The following KCNAB1 variants were observed in gnomAD, a reference collection of about 807,000 sequenced individuals.
KCNAB1 encodes the protein voltage-gated potassium channel subunit beta-1.
A neutral mutation model predicts 64.6 loss-of-function variants in KCNAB1; 35 were observed. The ratio of observed to expected loss-of-function variants is 0.54; its 90% CI spans 0.41 to 0.72. The LOEUF (loss-of-function observed/expected upper bound fraction) is 0.72, where lower values mean the gene tolerates loss of function less well. KCNAB1 is among the 30% of genes least tolerant of loss of function. KCNAB1 has a pLI of 0.00. For missense variants in KCNAB1, 401 were observed against 512.9 expected, an observed-to-expected ratio of 0.78 and a Z score of 2.11; for synonymous variants, 177 against 183.8, an observed-to-expected ratio of 0.96 and a Z score of 0.30.
At chr3:156,354,231 C>T (rs972494612) in intron 1 of KCNAB1, among the ~76,000 whole-genome samples, 3 of 148,570 alleles carry the variant, frequency 2.0e-5, no homozygotes, top group Non-Finnish European at 3.0e-5. Flanking sequence ...GGTGTGATCT[C>T]GGCTCACCGC....
chr3:156,334,260 G>A (rs1249907735), intron 1 of KCNAB1, among the ~76,000 whole-genome samples: 1 of 152,188 alleles, frequency 6.6e-6, no homozygotes, highest in Non-Finnish European at 1.5e-5. Flanking sequence ...TAGAAATACA[G>A]AGTTAAGTGG....
At chr3:156,305,224 CAAG>C (rs1721416561) in intron 1 of KCNAB1, among the ~76,000 whole-genome samples, 1 of 151,938 alleles carries the variant, frequency 6.6e-6, no homozygotes, top group South Asian at 2.1e-4. Context: ...GACAAATAGA[CAAG>C]AAAAAAATTA....
intron 1 of KCNAB1, 97 bp downstream of exon 1, chr3:156,120,983 A>C: frequency 7.0e-7 from 1 of 1,429,224 alleles, no homozygotes; most frequent in Non-Finnish European, 9.5e-7. Context: ...TGGAAGTCTT[A>C]ACGGCTCTAA....
chr3:156,503,279 C>T (rs1716571334), intron 8 of KCNAB1, among the ~76,000 whole-genome samples: 1 of 152,062 alleles, frequency 6.6e-6, no homozygotes, highest in Non-Finnish European at 1.5e-5. Flanking sequence ...AGTGGTAAGT[C>T]TAGGTGAGAA....
chr3:156,137,405 A>AC (rs1431781189), intron 1 of KCNAB1, among the ~76,000 whole-genome samples: 12 of 151,830 alleles, frequency 7.9e-5, no homozygotes, highest in African/African-American at 2.9e-4. Context: ...TGTAACATGC[A>AC]CCCCCTCCCC....
In KCNAB1 at chr3:156,311,500, G is replaced by A. The variant is rs557505545; in HGVS notation, c.276-110116G>A. ...GTGGGTGAATGAAGTGGGGAGAACAGGTGAGCTGTGTGAGGTGGAGGGAGG... is the reference window on the plus strand; with the variant it reads ...GTGGGTGAATGAAGTGGGGAGAACAAGTGAGCTGTGTGAGGTGGAGGGAGG... On this transcript the variant is annotated intron_variant, in intron 1 of 13. Transcript: ENST00000490337. 7.9e-5 allele frequency among the ~76,000 whole-genome samples: 12 copies of A among 152,302 alleles called. No homozygotes were observed. In the South Asian group the frequency reaches 1.7e-3, roughly 21 times the overall value.
chr3:156,299,387 G>A (rs1033088921), intron 1 of KCNAB1, among the ~76,000 whole-genome samples: 6 of 152,190 alleles, frequency 3.9e-5, no homozygotes, highest in Non-Finnish European at 8.8e-5. Flanking sequence ...TGCCACAGAG[G>A]CTCTTCACTG....
intron 1 of KCNAB1, among the ~76,000 whole-genome samples, chr3:156,381,184 T>G (rs1475819427): frequency 6.6e-6 from 1 of 150,514 alleles, no homozygotes; most frequent in Admixed American, 6.6e-5. Context: ...GATGAAGGAG[T>G]ATGGAGTATT....
chr3:156,251,497 T>C (rs1029357660), intron 1 of KCNAB1, among the ~76,000 whole-genome samples: 7 of 152,130 alleles, frequency 4.6e-5, no homozygotes, highest in African/African-American at 1.7e-4. Context: ...GTATATATTA[T>C]ATGGCCAGCA....
Position 156,429,192 on chromosome 3 carries a change from G to T in KCNAB1, c.319+7533G>T, listed in dbSNP as rs534825068. Reference sequence around the variant, plus strand: ...CGGTTCTGAAGGAAGTATCAGGGTTGGAATACATTGTCTTATCTGGATGGA... The same window carrying T: ...CGGTTCTGAAGGAAGTATCAGGGTTTGAATACATTGTCTTATCTGGATGGA... On this transcript the variant is annotated intron_variant, in intron 2 of 13. Coordinates refer to ENST00000490337, the MANE Select transcript of KCNAB1 (RefSeq NM_172160.3). Among the ~76,000 whole-genome samples, 20 of 152,304 alleles carry T rather than the reference G, an allele frequency of 1.3e-4. No individual in the cohort carries two copies. In the South Asian group the frequency reaches 3.9e-3, roughly 30 times the overall value.
chr3:156,324,681 C>T (rs1681950135), intron 1 of KCNAB1, among the ~76,000 whole-genome samples: 2 of 152,104 alleles, frequency 1.3e-5, no homozygotes, highest in African/African-American at 4.8e-5. Context: ...GGGACTTTTC[C>T]TCAGACCCTC....
At chr3:156,137,612 G>A (rs1284289951) in intron 1 of KCNAB1, among the ~76,000 whole-genome samples, 2 of 150,372 alleles carry the variant, frequency 1.3e-5, no homozygotes, top group Non-Finnish European at 1.5e-5. Context: ...GCACTTGCGC[G>A]ATCTCACCAC....
chr3:156,505,161 A>G (rs528494030), intron 8 of KCNAB1, among the ~76,000 whole-genome samples: 1 of 152,314 alleles, frequency 6.6e-6, no homozygotes, highest in Non-Finnish European at 1.5e-5. Flanking sequence ...TTTATTGAAG[A>G]GAATTCCCTT....
intron 2 of KCNAB1, among the ~76,000 whole-genome samples, chr3:156,439,158 G>T (rs908442489): frequency 2.6e-5 from 4 of 151,336 alleles, no homozygotes; most frequent in Admixed American, 2.6e-4. Flanking sequence ...GTCTATAAAG[G>T]GTATAGCACT....
chr3:156,477,776 A>G (rs886954797), intron 8 of KCNAB1, among the ~76,000 whole-genome samples: 1 of 152,136 alleles, frequency 6.6e-6, no homozygotes, highest in African/African-American at 2.4e-5. Context: ...GATCTGGGAA[A>G]TAAAGAAGAA....
In KCNAB1 at chr3:156,532,938, CTGAGA is replaced by C. The variant is rs1231736484; in HGVS notation, c.1170+1446_1170+1450del. Among the ~76,000 whole-genome samples the C allele has an allele frequency of 2.0e-5, 3 of 152,180 alleles. No individual in the cohort carries two copies. In the East Asian group the frequency reaches 5.8e-4, roughly 29 times the overall value. On this transcript the variant is annotated intron_variant, in intron 13 of 13. Coordinates refer to ENST00000490337, the MANE Select transcript of KCNAB1 (RefSeq NM_172160.3). Reference sequence around the variant, plus strand: ...GGCATCGTGCTAGGCAGTGGGAGGACTGAGATGAGTAAGAACAGGACCTGGCCTTC... The same window carrying C: ...GGCATCGTGCTAGGCAGTGGGAGGACTGAGTAAGAACAGGACCTGGCCTTC...
intron 1 of KCNAB1, among the ~76,000 whole-genome samples, chr3:156,381,927 GA>G (rs1712189565): frequency 6.6e-6 from 1 of 152,170 alleles, no homozygotes; most frequent in Non-Finnish European, 1.5e-5. Context: ...TAGCTGCAAA[GA>G]AAAAGATGAA....
intron 1 of KCNAB1, among the ~76,000 whole-genome samples, chr3:156,174,658 T>TC (rs1326945283): frequency 6.6e-6 from 1 of 152,156 alleles, no homozygotes; most frequent in East Asian, 1.9e-4. Context: ...TGGTTAGTTA[T>TC]CCCATACATC....
At chr3:156,278,055 C>T (rs1719448438) in intron 1 of KCNAB1, among the ~76,000 whole-genome samples, 1 of 152,234 alleles carries the variant, frequency 6.6e-6, no homozygotes, top group Non-Finnish European at 1.5e-5. Flanking sequence ...TTAACTGTTA[C>T]AGAATTTCAT....
Sources: gnomAD v4.1 joint callset for allele counts (sites outside exome capture counted in the v4.1 genomes callset) on GRCh38, gnomAD v4.1.1 for gene constraint, MANE v1.5 for transcripts, NCBI Gene and HGNC (gene_info 2026-07-23, HGNC 2026-07-21) for gene names.